KLB: variants seen among roughly 807,000 people sequenced by gnomAD.
KLB encodes beta-klotho.
A neutral mutation model predicts 88.4 loss-of-function variants in KLB; 44 were observed. The observed-to-expected ratio is 0.50, with a 90% CI of 0.39 to 0.64. KLB has a LOEUF of 0.64. KLB is among the 30% of genes least tolerant of loss of function. The probability of loss-of-function intolerance (pLI) is 0.00; values close to 1 mark genes in which losing one functional copy is unlikely to be tolerated. For synonymous variants in KLB, 548 were observed against 513.4 expected (o/e 1.07, Z -0.91); for missense variants, 1,137 against 1,304.8 (o/e 0.87, Z 1.98).
At chr4:39,429,719 CA>C (rs1324463318) in intron 1 of KLB, among the ~76,000 whole-genome samples, 2 of 152,182 alleles carry the variant, frequency 1.3e-5, no homozygotes, top group African/African-American at 4.8e-5. Flanking sequence ...CTACTAACCT[CA>C]TTTTAATTTT....
Position 39,437,821 on chromosome 4 carries a change from A to C in KLB, c.1431A>C (p.Gly477=). 1 of 1,614,142 alleles carries C rather than the reference A, an allele frequency of 6.2e-7. No individual in the cohort carries two copies. Among genetic ancestry groups the C allele is most frequent in the South Asian group, 1.1e-5 (1 of 91,086 alleles). Residue 477 remains glycine (G), a synonymous_variant, in exon 3 of 5, where the codon GGA becomes GGC. Coordinates refer to ENST00000257408, the MANE Select transcript of KLB (RefSeq NM_175737.4). The part of the protein sequence containing the change: ...EWQDAYTIRR[G]LFYVDFNSKQ... ...AGGATGCTTACACCATCCGCCGAGG[A>C]TTATTTTATGTGGATTTTAACAGTA...
Position 39,447,289 on chromosome 4 carries a change from C to A in KLB, c.2563C>A (p.Arg855Ser). The A allele has an allele frequency of 4.3e-6, 7 of 1,614,044 alleles. No individual in the cohort carries two copies. Among genetic ancestry groups the A allele is most frequent in the Non-Finnish European group, 5.9e-6 (7 of 1,179,958 alleles). Residue 855 changes from arginine to serine, a missense_variant, in exon 4 of 5, where the codon CGC becomes AGC. Arg to Ser is a moderately radical substitution (Grantham distance 110). Transcript: ENST00000257408. ...RDIQFLQDIT[R>S]LSSPTRLAVI... is the part of the protein sequence containing the mutation. ...CATCCAGTTTCTGCAGGACATCACCCGCCTGAGCTCCCCCACGCGCCTGGC... is the reference window on the plus strand; with the variant it reads ...CATCCAGTTTCTGCAGGACATCACCAGCCTGAGCTCCCCCACGCGCCTGGC...
At chr4:39,423,420 T>C (rs933921364) in intron 1 of KLB, among the ~76,000 whole-genome samples, 1 of 151,868 alleles carries the variant, frequency 6.6e-6, no homozygotes, top group African/African-American at 2.4e-5. Context: ...ATTTAGCTCT[T>C]TTAATAACCA....
At chr4:39,421,582 T>C (rs1240789827) in intron 1 of KLB, among the ~76,000 whole-genome samples, 1 of 152,160 alleles carries the variant, frequency 6.6e-6, no homozygotes, top group Non-Finnish European at 1.5e-5. Context: ...AGACCCCGTC[T>C]CTACTAAAAA....
chr4:39,446,604 GGTCA>G lies in KLB; in HGVS notation c.1881_1884del (p.Ser628ArgfsTer3). On this transcript the variant is annotated frameshift_variant, in exon 4 of 5. Transcript: ENST00000257408. LOFTEE classifies it high-confidence loss of function. The surrounding 1 kb of genome is among the most constrained non-coding windows in gnomAD (Gnocchi z 6.4). Reference sequence around the variant, plus strand: ...AGGCCCTGAGGTACTACAGGTGCGTGGTCAGTGAGGGGCTGAAGCTTGGCATCTC... The same window carrying G: ...AGGCCCTGAGGTACTACAGGTGCGTGGTGAGGGGCTGAAGCTTGGCATCTC... 1 of 1,614,156 alleles carries G rather than the reference GGTCA, an allele frequency of 6.2e-7. No homozygotes were observed. Among genetic ancestry groups the G allele is most frequent in the Non-Finnish European group, 8.5e-7 (1 of 1,179,986 alleles).
chr4:39,431,207 G>A (rs1421815690), intron 1 of KLB, among the ~76,000 whole-genome samples: 2 of 150,564 alleles, frequency 1.3e-5, no homozygotes, highest in Non-Finnish European at 2.9e-5. Context: ...TGGGATTACA[G>A]ATGTGAGCCA....
At chr4:39,415,368 C>T (rs1742944419) in intron 1 of KLB, among the ~76,000 whole-genome samples, 1 of 152,006 alleles carries the variant, frequency 6.6e-6, no homozygotes, top group Non-Finnish European at 1.5e-5. Context: ...GTGGCTCATG[C>T]CTGTATTCTC....
At position 39,448,621 on chromosome 4, in the gene KLB, A is replaced by C; in HGVS notation, c.3070A>C (p.Lys1024Gln). The C allele has an allele frequency of 1.2e-6, 2 of 1,613,976 alleles. No individual in the cohort carries two copies. The highest frequency in any genetic ancestry group is 1.1e-5 in the South Asian group (1 of 91,060). The part of the protein sequence containing the change: ...IAIFQRQKRR[K>Q]FWKAKNLQHI... Reference sequence around the variant, plus strand: ...CATTTTTCAAAGGCAGAAGAGAAGAAAGTTTTGGAAAGCAAAAAACTTACA... The same window carrying C: ...CATTTTTCAAAGGCAGAAGAGAAGACAGTTTTGGAAAGCAAAAAACTTACA... The change falls in exon 5 of 5, where the codon AAG (lysine) becomes CAG (glutamine). Residue 1024 changes from lysine (K) to glutamine (Q), a missense_variant. Lys to Gln is a moderately conservative substitution (Grantham distance 53). Around this residue, in one of 4 missense-constraint regions of KLB, gnomAD observed 426 missense variants for 404.6 expected, o/e 1.05. Transcript: ENST00000257408.
intron 1 of KLB, among the ~76,000 whole-genome samples, chr4:39,416,240 G>T (rs1742962945): frequency 6.6e-6 from 1 of 151,732 alleles, no homozygotes. Flanking sequence ...GCAGAATTTT[G>T]ATGGCTGTTA....
intron 1 of KLB, among the ~76,000 whole-genome samples, chr4:39,433,839 G>A (rs561203650): frequency 5.9e-4 from 90 of 152,120 alleles, no homozygotes; most frequent in South Asian, 3.3e-3. Context: ...CAGCCTAGGC[G>A]ACAGAGAAAG....
chr4:39,410,898 A>C (rs953416889), intron 1 of KLB, among the ~76,000 whole-genome samples: 2 of 152,186 alleles, frequency 1.3e-5, no homozygotes, highest in African/African-American at 2.4e-5. Context: ...ATTTGGAGGA[A>C]ACCTGAATGG....
chr4:39,446,627 G>A lies in KLB; in HGVS notation c.1901G>A (p.Gly634Asp), dbSNP rs1743753070. The A allele has an allele frequency of 5.0e-6, 8 of 1,613,760 alleles. No homozygotes were observed. The highest frequency in any genetic ancestry group is 6.8e-6 in the Non-Finnish European group (8 of 1,179,766). ...RCVVSEGLKL[G>D]ISAMVTLYYP... Reference sequence around the variant, plus strand: ...GTGGTCAGTGAGGGGCTGAAGCTTGGCATCTCCGCGATGGTCACCCTGTAT... The same window carrying A: ...GTGGTCAGTGAGGGGCTGAAGCTTGACATCTCCGCGATGGTCACCCTGTAT... The change falls in exon 4 of 5, where the codon GGC becomes GAC. Residue 634 changes from glycine to aspartate, a missense_variant. Transcript: ENST00000257408. This position sits in a 1 kb window ranked among gnomAD's most constrained non-coding sequence, Gnocchi z 6.4.
chr4:39,433,271 C>T (rs1743401362), intron 1 of KLB, among the ~76,000 whole-genome samples: 1 of 151,986 alleles, frequency 6.6e-6, no homozygotes, highest in Non-Finnish European at 1.5e-5. Flanking sequence ...ACAATGAGTA[C>T]GTGAACTTCA....
At chr4:39,442,757 T>C (rs901172690) in intron 3 of KLB, among the ~76,000 whole-genome samples, 1 of 152,218 alleles carries the variant, frequency 6.6e-6, no homozygotes, top group Non-Finnish European at 1.5e-5. Context: ...TTATAAACTT[T>C]TGATAAATTG....
chr4:39,412,403 A>G (rs1031957457), intron 1 of KLB, among the ~76,000 whole-genome samples: 19 of 152,068 alleles, frequency 1.2e-4, no homozygotes, highest in Non-Finnish European at 2.4e-4. Flanking sequence ...GGCCCCCCCA[A>G]GCTTTGGGGA....
chr4:39,427,261 T>C (rs1328506066), intron 1 of KLB, among the ~76,000 whole-genome samples: 3 of 152,122 alleles, frequency 2.0e-5, no homozygotes, highest in African/African-American at 7.2e-5. Context: ...GGCAGGCAGA[T>C]TGCTTGAGGT....
intron 3 of KLB, among the ~76,000 whole-genome samples, chr4:39,443,509 C>CAT (rs1743659974): frequency 6.6e-6 from 1 of 151,542 alleles, no homozygotes. Context: ...CTTTGGGAGG[C>CAT]CGAGGCGGGC....
In KLB at chr4:39,437,596, T is replaced by TA. The variant is rs1743506734; in HGVS notation, c.1337-130dup. The TA allele has an allele frequency of 1.2e-5, 12 of 1,036,838 alleles. No homozygotes were observed. In the Admixed American group the frequency reaches 2.6e-4, roughly 22 times the overall value. The allele number at this position is 1,036,838 out of a possible 1,614,324, so 64.2% of individuals were successfully genotyped here. ...GTATAAACATGAATTTTCTATTTGA[T>TA]ACAGCAGACCTGAAAATTAGGGCAA... On this transcript the variant is annotated intron_variant, in intron 2 of 4. Coordinates refer to ENST00000257408, the MANE Select transcript of KLB (RefSeq NM_175737.4).
chr4:39,439,778 C>T (rs1257274179), intron 3 of KLB, among the ~76,000 whole-genome samples: 2 of 152,168 alleles, frequency 1.3e-5, no homozygotes, highest in Admixed American at 1.3e-4. Flanking sequence ...AGCAATTGTC[C>T]TGTCTCAGCC....
Sources: allele counts gnomAD v4.1 joint callset (sites outside exome capture counted in the v4.1 genomes callset), GRCh38; gene constraint gnomAD v4.1.1; regional missense constraint gnomAD v4.1.1; non-coding constraint Gnocchi (gnomAD v3.1); transcripts MANE v1.5; gene names NCBI Gene and HGNC (gene_info 2026-07-23, HGNC 2026-07-21).